The following ADAM12 variants were observed in gnomAD, a reference collection of about 807,000 sequenced individuals.
ADAM12 encodes ADAM metallopeptidase domain 12, also known as disintegrin and metalloproteinase domain-containing protein 12.
Under a neutral mutation model 106.4 loss-of-function variants are expected in ADAM12, and 70 were observed. The ratio of observed to expected loss-of-function variants is 0.66; its 90% confidence interval spans 0.54 to 0.80. The LOEUF (loss-of-function observed/expected upper bound fraction) is 0.80, where lower values mean the gene tolerates loss of function less well. Ranked by LOEUF, ADAM12 falls within the 30% of genes least tolerant of loss-of-function variation. ADAM12 has a pLI of 0.00. For synonymous variants in ADAM12, 420 were observed against 433.5 expected (o/e 0.97, Z 0.39); for missense variants, 1,010 against 1,171.9 (o/e 0.86, Z 2.02).
At chr10:126,352,621 C>T (rs1441961648) in intron 1 of ADAM12, among the ~76,000 whole-genome samples, 7 of 152,286 alleles carry the variant, frequency 4.6e-5, no homozygotes, top group South Asian at 2.1e-4. Flanking sequence ...TGTCTTGTGT[C>T]GGATGTCTTT....
chr10:126,375,337 G>A (rs1370608525), intron 1 of ADAM12, among the ~76,000 whole-genome samples: 1 of 152,004 alleles, frequency 6.6e-6, no homozygotes, highest in African/African-American at 2.4e-5. Context: ...AGCCTGGACT[G>A]CTCAGCACAG....
intron 3 of ADAM12, among the ~76,000 whole-genome samples, chr10:126,158,562 GC>G: frequency 8.7e-5 from 10 of 114,708 alleles, no homozygotes; most frequent in African/African-American, 3.2e-4. Context: ...AGAGCATGGG[GC>G]AGGGATGCAC....
rs1038548406 is a variant in ADAM12, at chr10:126,053,800, G to T, written c.1610-4131C>A. Among the ~76,000 whole-genome samples, 2 of 151,932 alleles carry T rather than the reference G, an allele frequency of 1.3e-5. No homozygotes were observed. Among genetic ancestry groups the T allele is most frequent in the Non-Finnish European group, 2.9e-5 (2 of 67,992 alleles). On this transcript the variant is annotated intron_variant, in intron 14 of 22. Coordinates refer to ENST00000448723, the MANE Select transcript of ADAM12 (RefSeq NM_001288973.2). The surrounding 1 kb of genome is among the most constrained non-coding windows in gnomAD (Gnocchi z 4.6). ...GGCTCACTGCAACCTCTGCCTCCCG[G>T]GTTCAAGCTATTCTCCTGCCTCAGC...
intron 11 of ADAM12, among the ~76,000 whole-genome samples, chr10:126,082,865 G>A (rs1955255974): frequency 6.6e-6 from 1 of 152,196 alleles, no homozygotes; most frequent in African/African-American, 2.4e-5. Context: ...ACAGTGTGGG[G>A]AATGGACATT....
intron 2 of ADAM12, among the ~76,000 whole-genome samples, chr10:126,299,111 A>G (rs1960503134): frequency 1.3e-5 from 2 of 152,202 alleles, no homozygotes; most frequent in African/African-American, 2.4e-5. Context: ...CTAAATGAAT[A>G]TTAAAGGCAT....
chr10:126,324,104 C>A (rs1854206272), intron 2 of ADAM12, among the ~76,000 whole-genome samples: 1 of 152,182 alleles, frequency 6.6e-6, no homozygotes. Flanking sequence ...TCTGTTTCTG[C>A]CATGTGCAAG....
chr10:126,034,815 G>T (rs747393992), intron 21 of ADAM12, among the ~76,000 whole-genome samples: 7 of 151,996 alleles, frequency 4.6e-5, no homozygotes, highest in Non-Finnish European at 8.8e-5. Context: ...ATTGCAAAAA[G>T]ACAACACTAA....
chr10:126,240,405 A>G (rs4962524), intron 3 of ADAM12, among the ~76,000 whole-genome samples: 52,477 of 152,222 alleles, frequency 0.34, 9,777 homozygotes, highest in African/African-American at 0.49. Context: ...CAACAGGAGC[A>G]GAATCAGTCC....
intron 2 of ADAM12, among the ~76,000 whole-genome samples, chr10:126,292,232 CA>C: frequency 6.6e-6 from 1 of 152,300 alleles, no homozygotes; most frequent in Admixed American, 6.5e-5. Context: ...CCCCCGAGTG[CA>C]TTCCTCATTT....
intron 1 of ADAM12, among the ~76,000 whole-genome samples, chr10:126,381,723 A>T (rs1393626243): frequency 2.0e-5 from 3 of 152,028 alleles, no homozygotes; most frequent in Non-Finnish European, 4.4e-5. Context: ...GCTGGACTCA[A>T]ACTCCTGACC....
At chr10:126,345,059 T>C (rs1296418678) in intron 1 of ADAM12, among the ~76,000 whole-genome samples, 3 of 152,190 alleles carry the variant, frequency 2.0e-5, no homozygotes, top group African/African-American at 7.2e-5. Flanking sequence ...TCCAACACTA[T>C]GTTGAATAGG....
At chr10:126,335,207 A>C (rs2133858943) in intron 1 of ADAM12, among the ~76,000 whole-genome samples, 1 of 152,352 alleles carries the variant, frequency 6.6e-6, no homozygotes, top group Middle Eastern at 3.4e-3. Flanking sequence ...CATCCTCCTA[A>C]GCCACCCAGT....
intron 2 of ADAM12, among the ~76,000 whole-genome samples, chr10:126,312,348 C>T (rs1414068418): frequency 6.6e-6 from 1 of 152,162 alleles, no homozygotes; most frequent in Non-Finnish European, 1.5e-5. Flanking sequence ...TCTCCAACAC[C>T]TGGGTTCTGT....
At chr10:126,267,237 C>T (rs1414443831) in intron 3 of ADAM12, among the ~76,000 whole-genome samples, 1 of 152,156 alleles carries the variant, frequency 6.6e-6, no homozygotes, top group Non-Finnish European at 1.5e-5. Flanking sequence ...AGAGTCACCT[C>T]AATCAGTGGT....
chr10:126,357,670 C>A (rs1003930848), intron 1 of ADAM12, among the ~76,000 whole-genome samples: 4 of 152,128 alleles, frequency 2.6e-5, no homozygotes, highest in Non-Finnish European at 5.9e-5. Context: ...CTTTACATGG[C>A]AGCAGCAAGA....
chr10:126,227,246 CA>C (rs1312504563), intron 3 of ADAM12, among the ~76,000 whole-genome samples: 18 of 152,264 alleles, frequency 1.2e-4, no homozygotes, highest in African/African-American at 4.3e-4. Context: ...ATGATTACCA[CA>C]TCATCACCAT....
chr10:126,180,613 G>A (rs1957295937), intron 3 of ADAM12, among the ~76,000 whole-genome samples: 1 of 152,110 alleles, frequency 6.6e-6, no homozygotes, highest in East Asian at 1.9e-4. Context: ...TCTAGCACCT[G>A]TTTCACAAGG....
Position 126,043,241 on chromosome 10 carries a change from C to A in ADAM12, c.1996-93G>T, listed in dbSNP as rs1263402976. On this transcript the variant is annotated intron_variant, in intron 17 of 22. Coordinates refer to ENST00000448723, the MANE Select transcript of ADAM12 (RefSeq NM_001288973.2). This position sits in a 1 kb window ranked among gnomAD's most constrained non-coding sequence, Gnocchi z 4.1. ...AGGGGGGCCATGGTCAGAGCCCCCC[C>A]CCAACACTGACACAGCCAGACTCAG... is the stretch of plus-strand genomic sequence containing the variant. 8 of 1,170,400 alleles carry A rather than the reference C, an allele frequency of 6.8e-6. No homozygotes were observed. Among genetic ancestry groups the A allele is most frequent in the African/African-American group, 3.0e-5 (2 of 65,870 alleles). 72.5% of individuals were successfully genotyped at this position (1,170,400 alleles called of 1,614,324 possible). A position where few individuals can be genotyped will look rare whatever the true frequency, so the allele number is the denominator to read the frequency against.
chr10:126,099,921 TTAAA>T (rs2133576748), intron 9 of ADAM12, among the ~76,000 whole-genome samples: 1 of 152,342 alleles, frequency 6.6e-6, no homozygotes, highest in Non-Finnish European at 1.5e-5. Context: ...ATTTAAAGAT[TTAAA>T]TAAAAATTTG....
Sources: gnomAD v4.1 joint callset for allele counts (sites outside exome capture counted in the v4.1 genomes callset) on GRCh38, gnomAD v4.1.1 for gene constraint, Gnocchi (gnomAD v3.1) non-coding constraint, MANE v1.5 for transcripts, NCBI Gene and HGNC (gene_info 2026-07-23, HGNC 2026-07-21) for gene names.